Variants in TOX2 observed in about 807,000 individuals in gnomAD.
TOX2 encodes TOX high mobility group box family member 2.
Under a neutral mutation model 47.4 loss-of-function variants are expected in TOX2, and 15 were observed. The observed-to-expected ratio is 0.32, with a 90% CI of 0.21 to 0.49. The LOEUF (loss-of-function observed/expected upper bound fraction) is 0.49, where lower values mean the gene tolerates loss of function less well. Ranked by LOEUF, TOX2 falls within the 20% of genes least tolerant of loss-of-function variation. The pLI is 0.99. For missense variants in TOX2, 622 were observed against 673.1 expected (o/e 0.92, Z 0.84); for synonymous variants, 290 against 296.6 (o/e 0.98, Z 0.23).
chr20:44,017,383 TTCAGCTTGGTG>T (rs2070898095), intron 3 of TOX2, among the ~76,000 whole-genome samples: 2 of 152,158 alleles, frequency 1.3e-5, no homozygotes, highest in Admixed American at 1.3e-4. Flanking sequence ...TGGCCGTGAT[TTCAGCTTGGTG>T]TCAACCCGGC....
At chr20:43,991,096 C>A (rs2070359921) in intron 2 of TOX2, among the ~76,000 whole-genome samples, 1 of 152,150 alleles carries the variant, frequency 6.6e-6, no homozygotes, top group South Asian at 2.1e-4. Flanking sequence ...CCAATTGCCT[C>A]TTTTTACAGT....
At chr20:43,948,405 C>T (rs1296812401) in intron 1 of TOX2, among the ~76,000 whole-genome samples, 2 of 152,190 alleles carry the variant, frequency 1.3e-5, no homozygotes, top group Non-Finnish European at 1.5e-5. Flanking sequence ...TGTTGGAAAT[C>T]GGGTATGTGG....
chr20:43,945,102 A>AT (rs950297596), intron 1 of TOX2, among the ~76,000 whole-genome samples: 16 of 152,114 alleles, frequency 1.1e-4, no homozygotes, highest in African/African-American at 3.9e-4. Context: ...GGAGGTTCTT[A>AT]TTTTTTTGTT....
At chr20:43,941,670 C>T (rs748133886) in intron 1 of TOX2, among the ~76,000 whole-genome samples, 1 of 152,186 alleles carries the variant, frequency 6.6e-6, no homozygotes, top group Non-Finnish European at 1.5e-5. Flanking sequence ...AGCTCACACC[C>T]TCTCAGCTTT....
rs560462579 is a variant in TOX2 at position 43,915,924 on chromosome 20, G to A, written c.99+934G>A. ...CGCATTCCCAGTGATGGAGGCTTGC[G>A]TGCCTGGAACCCCGAACCCGAGGCG... On this transcript the variant is annotated intron_variant, in intron 1 of 8. Transcript: ENST00000341197. This position sits in a 1 kb window ranked among gnomAD's most constrained non-coding sequence, Gnocchi z 7.1. Among the ~76,000 whole-genome samples the A allele has an allele frequency of 2.0e-5, 3 of 152,356 alleles. No individual in the cohort carries two copies. Among genetic ancestry groups the A allele is most frequent in the Admixed American group, 1.3e-4 (2 of 15,314 alleles).
At chr20:43,978,041 C>T (rs1434953436) in intron 2 of TOX2, among the ~76,000 whole-genome samples, 1 of 152,106 alleles carries the variant, frequency 6.6e-6, no homozygotes, top group African/African-American at 2.4e-5. Context: ...GGAGTAGCAG[C>T]GTCTGCCTCC....
intron 3 of TOX2, among the ~76,000 whole-genome samples, chr20:44,044,178 C>T (rs1366539130): frequency 6.6e-6 from 1 of 151,828 alleles, no homozygotes; most frequent in Non-Finnish European, 1.5e-5. Flanking sequence ...ATCGCAAGAA[C>T]AAAAAACCAA....
chr20:44,031,312 C>T (rs998938392), intron 3 of TOX2, among the ~76,000 whole-genome samples: 2 of 152,192 alleles, frequency 1.3e-5, no homozygotes, highest in Non-Finnish European at 2.9e-5. Flanking sequence ...GCCTGTATGA[C>T]TGAGCAGGAC....
intron 3 of TOX2, among the ~76,000 whole-genome samples, chr20:44,046,680 G>A (rs2071413161): frequency 6.6e-6 from 1 of 152,318 alleles, no homozygotes; most frequent in Non-Finnish European, 1.5e-5. Context: ...TAAGCTAAGT[G>A]AAATAAGCCA....
At chr20:43,995,881 A>AG (rs2070468123) in intron 2 of TOX2, among the ~76,000 whole-genome samples, 1 of 152,196 alleles carries the variant, frequency 6.6e-6, no homozygotes, top group African/African-American at 2.4e-5. Flanking sequence ...CATGGTGTAT[A>AG]TGTACCACAT....
At chr20:44,049,028 T>TGGGATGGTGCCA (rs1189021458) in intron 3 of TOX2, among the ~76,000 whole-genome samples, 1 of 152,202 alleles carries the variant, frequency 6.6e-6, no homozygotes, top group Non-Finnish European at 1.5e-5. Context: ...TTGTCCCAGC[T>TGGGATGGTGCCA]ACCTGGGAGG....
At chr20:43,949,349 G>A (rs2145377818) in intron 1 of TOX2, among the ~76,000 whole-genome samples, 1 of 152,286 alleles carries the variant, frequency 6.6e-6, no homozygotes, top group South Asian at 2.1e-4. Context: ...AGGCCTCCCT[G>A]CCTCCACCCT....
At chr20:44,009,983 G>A (rs552154761) in intron 3 of TOX2, among the ~76,000 whole-genome samples, 2 of 152,108 alleles carry the variant, frequency 1.3e-5, no homozygotes, top group Admixed American at 6.5e-5. Flanking sequence ...CCTTGTCTTG[G>A]AATCATAATC....
intron 1 of TOX2, among the ~76,000 whole-genome samples, chr20:43,923,970 C>T (rs531731550): frequency 6.6e-6 from 1 of 152,254 alleles, no homozygotes; most frequent in African/African-American, 2.4e-5. Context: ...GGGGACTGCC[C>T]AAGCCTTTGA....
In TOX2 at chr20:43,915,353, A is replaced by T. The variant is rs1352795860; in HGVS notation, c.99+363A>T. 6.6e-6 allele frequency among the ~76,000 whole-genome samples: 1 copy of T among 152,058 alleles called. No homozygotes were observed. The highest frequency in any genetic ancestry group is 6.6e-5 in the Admixed American group (1 of 15,264). ...CCCTGACAGTCACTTATACACAACG[A>T]CACGCAACCACTCACCCGCAAACAG... On this transcript the variant is annotated intron_variant, in intron 1 of 8. Coordinates refer to ENST00000341197, the MANE Select transcript of TOX2 (RefSeq NM_001098797.2). This position sits in a 1 kb window ranked among gnomAD's most constrained non-coding sequence, Gnocchi z 7.1.
chr20:44,066,987 G>A (rs2071835432), intron 8 of TOX2, 130 bp downstream of exon 8: 2 of 1,329,462 alleles, frequency 1.5e-6, no homozygotes, highest in East Asian at 5.0e-5. Flanking sequence ...CAGCCCTGCT[G>A]AGGGGATCGA....
At chr20:44,050,980 G>C (rs2071499134) in intron 3 of TOX2, among the ~76,000 whole-genome samples, 1 of 152,214 alleles carries the variant, frequency 6.6e-6, no homozygotes, top group Non-Finnish European at 1.5e-5. Flanking sequence ...TGCATTCCAG[G>C]AGGGAAGACT....
chr20:43,994,168 T>TA (rs1369984901), intron 2 of TOX2, among the ~76,000 whole-genome samples: 1 of 148,632 alleles, frequency 6.7e-6, no homozygotes. Context: ...AAAATTCAAT[T>TA]AAAAAAACAA....
At chr20:44,022,098 G>A (rs549822057) in intron 3 of TOX2, among the ~76,000 whole-genome samples, 14 of 152,332 alleles carry the variant, frequency 9.2e-5, no homozygotes, top group East Asian at 5.8e-4. Context: ...ATGGCCGGCC[G>A]ATGACGCTGG....
Sources: gnomAD v4.1 joint callset for allele counts (sites outside exome capture counted in the v4.1 genomes callset) on GRCh38, gnomAD v4.1.1 for gene constraint, Gnocchi (gnomAD v3.1) non-coding constraint, MANE v1.5 for transcripts, NCBI Gene and HGNC (gene_info 2026-07-23, HGNC 2026-07-21) for gene names.